Variants in LCN9 observed in about 807,000 individuals in gnomAD.
LCN9 encodes the protein lipocalin 9.
A neutral mutation model predicts 18.5 loss-of-function variants in LCN9; 22 were observed. The ratio of observed to expected loss-of-function variants is 1.19; its 90% CI spans 0.85 to 1.70. The LOEUF (loss-of-function observed/expected upper bound fraction) is 1.70, where lower values mean the gene tolerates loss of function less well. Among genes scored for constraint, LCN9 ranks in the 40% most tolerant of loss-of-function variants. The probability of loss-of-function intolerance (pLI) is 0.00; values close to 1 mark genes in which losing one functional copy is unlikely to be tolerated. For synonymous variants in LCN9, 89 were observed against 83.0 expected (o/e 1.07, Z -0.39); for missense variants, 202 against 201.3 (o/e 1.00, Z -0.02).
Position 135,664,100 on chromosome 9 carries a change from GGCGCTAA to G in LCN9, c.97-59_97-53del. On this transcript the variant is annotated intron_variant, in intron 1 of 5. Transcript: ENST00000619315. The surrounding 1 kb of genome is among the most constrained non-coding windows in gnomAD (Gnocchi z 4.5). ...CCGGGCCCTGGGAGGGAAGACTGTG[GGCGCTAA>G]GCATCCCCAGGGCTGTCCCGCGGCC... The G allele has an allele frequency of 2.5e-6, 4 of 1,583,682 alleles. No individual in the cohort carries two copies. Among genetic ancestry groups the G allele is most frequent in the Non-Finnish European group, 3.4e-6 (4 of 1,162,456 alleles).
In LCN9 at chr9:135,664,010, C is replaced by CA. The variant is rs1834171458; in HGVS notation, c.97-152_97-151insA. 7.4e-5 allele frequency among the ~76,000 whole-genome samples: 7 copies of CA among 94,558 alleles called. No individual in the cohort carries two copies. The highest frequency in any genetic ancestry group is 3.1e-4 in the African/African-American group (7 of 22,424). 62.0% of individuals were successfully genotyped at this position (94,558 alleles called of 152,430 possible). On this transcript the variant is annotated intron_variant, in intron 1 of 5. Transcript: ENST00000619315. The surrounding 1 kb of genome is among the most constrained non-coding windows in gnomAD (Gnocchi z 4.5). Reference sequence around the variant, plus strand: ...TGGGGGTAAAGGGGGGATCTGGTGACGAGGGGAGACCTGGGGGCACTGGAA... The same window carrying CA: ...TGGGGGTAAAGGGGGGATCTGGTGACAGAGGGGAGACCTGGGGGCACTGGAA...
chr9:135,664,155 T>A lies in LCN9; in HGVS notation c.97-7T>A. The A allele has an allele frequency of 6.2e-7, 1 of 1,613,156 alleles. No individual in the cohort carries two copies. The highest frequency in any genetic ancestry group is 1.1e-5 in the South Asian group (1 of 91,032). ...GCCCCCCACCCACTGGAGCTCTTTG[T>A]CTTCAGGTTTCAGGGGTCTGGTATT... On this transcript the variant is annotated splice_region_variant and splice_polypyrimidine_tract_variant and intron_variant, in intron 1 of 5. Coordinates refer to ENST00000619315, the Ensembl canonical transcript of LCN9. The surrounding 1 kb of genome is among the most constrained non-coding windows in gnomAD (Gnocchi z 4.5).
exon 6 of LCN9, among the ~76,000 whole-genome samples, chr9:135,666,946 G>A (rs888872249): frequency 1.2e-4 from 19 of 152,244 alleles, no homozygotes; most frequent in African/African-American, 4.6e-4. Context: ...GTGAATAAAA[G>A]GGAGGTACCA....
At chr9:135,666,120 G>C (rs367731895) in exon 6 of LCN9, 82 of 1,598,122 alleles carry the variant, frequency 5.1e-5, no homozygotes, top group Non-Finnish European at 6.5e-5. Flanking sequence ...AGCAGGAAGT[G>C]AGATGGGGCC....
In LCN9 at chr9:135,664,821, G is replaced by C; in HGVS notation, c.307+26G>C. On this transcript the variant is annotated intron_variant, in intron 3 of 5. Coordinates refer to ENST00000619315, the Ensembl canonical transcript of LCN9. This position sits in a 1 kb window ranked among gnomAD's most constrained non-coding sequence, Gnocchi z 4.5. ...GTAAGTGGAAGCCAGGCTCCTCCTG[G>C]TCTCACAGTCGGGGGTCTCCTTTCT... 6.4e-7 allele frequency: 1 copy of C among 1,560,048 alleles called. No individual in the cohort carries two copies. Among genetic ancestry groups the C allele is most frequent in the South Asian group, 1.2e-5 (1 of 84,496 alleles).
Position 135,665,084 on chromosome 9 carries a change from C to A in LCN9, c.308-161C>A. Reference sequence around the variant, plus strand: ...GAGGGGGCTGTGCCGCTGCTGCCCGCCCCCTGTGCAGGGGTCTCCGCTGGG... The same window carrying A: ...GAGGGGGCTGTGCCGCTGCTGCCCGACCCCTGTGCAGGGGTCTCCGCTGGG... On this transcript the variant is annotated intron_variant, in intron 3 of 5. Transcript: ENST00000619315. This position sits in a 1 kb window ranked among gnomAD's most constrained non-coding sequence, Gnocchi z 5.9. 1.5e-6 allele frequency: 1 copy of A among 646,446 alleles called. No homozygotes were observed. Among genetic ancestry groups the A allele is most frequent in the South Asian group, 1.8e-5 (1 of 56,032 alleles). The allele number at this position is 646,446 out of a possible 1,614,324, so 40.0% of individuals were successfully genotyped here. A position where few individuals can be genotyped will look rare whatever the true frequency, so the allele number is the denominator to read the frequency against.
At position 135,665,533 on chromosome 9, in the gene LCN9, C is replaced by G. The variant is rs184993904; in HGVS notation, c.419-155C>G. 7.1e-5 allele frequency: 60 copies of G among 839,624 alleles called. No individual in the cohort carries two copies. In the East Asian group the frequency reaches 1.4e-3, roughly 19 times the overall value. The allele number at this position is 839,624 out of a possible 1,614,324, so 52.0% of individuals were successfully genotyped here. On this transcript the variant is annotated intron_variant, in intron 4 of 5. Transcript: ENST00000619315. The surrounding 1 kb of genome is among the most constrained non-coding windows in gnomAD (Gnocchi z 5.9). ...GCTGGGTGCTTCAATCTGTCACCTC[C>G]CATCTCACTTGGCACAAAGCCCCTC...
rs1834172011 is a variant in LCN9, at chr9:135,664,025, G to A, written c.97-137G>A. On this transcript the variant is annotated intron_variant, in intron 1 of 5. Coordinates refer to ENST00000619315, the Ensembl canonical transcript of LCN9. This position sits in a 1 kb window ranked among gnomAD's most constrained non-coding sequence, Gnocchi z 4.5. ...GATCTGGTGACGAGGGGAGACCTGG[G>A]GGCACTGGAAGGGCGGAGGGGTTCT... 1.6e-5 allele frequency: 14 copies of A among 855,908 alleles called. No individual in the cohort carries two copies. The highest frequency in any genetic ancestry group is 5.3e-5 in the South Asian group (3 of 56,338). The allele number at this position is 855,908 out of a possible 1,614,324, so 53.0% of individuals were successfully genotyped here.
At chr9:135,663,514 TC>T in intron 1 of LCN9, 97 bp downstream of exon 1, 1 of 862,414 alleles carries the variant, frequency 1.2e-6, no homozygotes. Flanking sequence ...GGGCAACTGG[TC>T]CAAGGGGAGC....
In LCN9 at chr9:135,665,103, C is replaced by T. The variant is rs1026988475; in HGVS notation, c.308-142C>T. On this transcript the variant is annotated intron_variant, in intron 3 of 5. Transcript: ENST00000619315. This position sits in a 1 kb window ranked among gnomAD's most constrained non-coding sequence, Gnocchi z 5.9. ...TGCCCGCCCCCTGTGCAGGGGTCTC[C>T]GCTGGGTGAGCACCGTGGGCTCCTC... The T allele has an allele frequency of 2.2e-5, 15 of 678,428 alleles. No individual in the cohort carries two copies. Among genetic ancestry groups the T allele is most frequent in the South Asian group, 1.5e-4 (9 of 58,748 alleles). 42.0% of individuals were successfully genotyped at this position (678,428 alleles called of 1,614,324 possible). A position where few individuals can be genotyped will look rare whatever the true frequency, so the allele number is the denominator to read the frequency against.
At position 135,665,072 on chromosome 9, in the gene LCN9, C is replaced by A. The variant is rs140124106; in HGVS notation, c.308-173C>A. On this transcript the variant is annotated intron_variant, in intron 3 of 5. Transcript: ENST00000619315. The surrounding 1 kb of genome is among the most constrained non-coding windows in gnomAD (Gnocchi z 5.9). Reference sequence around the variant, plus strand: ...ATGACAAGGAGGGAGGGGGCTGTGCCGCTGCTGCCCGCCCCCTGTGCAGGG... The same window carrying A: ...ATGACAAGGAGGGAGGGGGCTGTGCAGCTGCTGCCCGCCCCCTGTGCAGGG... 2.8e-3 allele frequency: 1,796 copies of A among 636,660 alleles called. 6 individuals are homozygous for A. Among genetic ancestry groups the A allele is most frequent in the Middle Eastern group, 0.018 (42 of 2,374 alleles). The allele number at this position is 636,660 out of a possible 1,614,324, so 39.4% of individuals were successfully genotyped here. A position where few individuals can be genotyped will look rare whatever the true frequency, so the allele number is the denominator to read the frequency against.
Position 135,664,464 on chromosome 9 carries a change from G to A in LCN9, c.233+166G>A, listed in dbSNP as rs1834183655. ...TTGGGGGCAGGGTGAGGTGGGAGCA[G>A]GGACTTGGTCTGCCTGGCACTGTGC... On this transcript the variant is annotated intron_variant, in intron 2 of 5. Transcript: ENST00000619315. The surrounding 1 kb of genome is among the most constrained non-coding windows in gnomAD (Gnocchi z 4.5). Among the ~76,000 whole-genome samples the A allele has an allele frequency of 6.6e-6, 1 of 152,134 alleles. No homozygotes were observed.
chr9:135,663,484 G>A, intron 1 of LCN9, 67 bp downstream of exon 1: 1 of 1,464,284 alleles, frequency 6.8e-7, no homozygotes, highest in Non-Finnish European at 9.5e-7. Flanking sequence ...CCCCAGCCTG[G>A]GGTCTCTGAC....
At chr9:135,666,321 G>A (rs1158924981) in exon 6 of LCN9, 1 of 596,802 alleles carries the variant, frequency 1.7e-6, no homozygotes, top group African/African-American at 1.9e-5. Context: ...CCTGGCTTGT[G>A]GCTGTCACTC....
Position 135,666,072 on chromosome 9 carries a change from C to A in LCN9, c.*221C>A, listed in dbSNP as rs766419055. The A allele has an allele frequency of 5.6e-6, 9 of 1,599,498 alleles. No homozygotes were observed. The South Asian group carries it at 8.8e-5, about 16-fold the overall frequency. ...GATGCTGTGAAAAGCATCCTGGAGT[C>A]GGGGCAGTGATGGGGCCTTCCAGGG... On this transcript the variant is annotated 3_prime_UTR_variant, in exon 6 of 6. Transcript: ENST00000619315.
rs1834179052 is a variant in LCN9, at chr9:135,664,273, A to G, written c.208A>G (p.Ser70Gly). ...GAATATTGAACACTTGAAGAACGGC[A>G]GCCTAATATTTGATTTCGAATACAT... Residue 70 changes from serine (S) to glycine (G), a missense_variant, in exon 2 of 6, where the codon AGC (serine) becomes GGC (glycine). Coordinates refer to ENST00000619315, the Ensembl canonical transcript of LCN9. The surrounding 1 kb of genome is among the most constrained non-coding windows in gnomAD (Gnocchi z 4.5). 1 of 1,613,776 alleles carries G rather than the reference A, an allele frequency of 6.2e-7. No individual in the cohort carries two copies. The highest frequency in any genetic ancestry group is 1.1e-5 in the South Asian group (1 of 91,086).
rs749728153 is a variant in LCN9, at chr9:135,665,957, G to A, written c.*106G>A. 6.2e-7 allele frequency: 1 copy of A among 1,602,092 alleles called. No individual in the cohort carries two copies. The highest frequency in any genetic ancestry group is 8.5e-7 in the Non-Finnish European group (1 of 1,177,722). On this transcript the variant is annotated 3_prime_UTR_variant, in exon 6 of 6. Transcript: ENST00000619315. This position sits in a 1 kb window ranked among gnomAD's most constrained non-coding sequence, Gnocchi z 5.9. Reference sequence around the variant, plus strand: ...AGGGGGCTGGATGGGGAGAGCTTGGGGCCAACGTCAGAGGCTGCGGGGTCC... The same window carrying A: ...AGGGGGCTGGATGGGGAGAGCTTGGAGCCAACGTCAGAGGCTGCGGGGTCC...
In LCN9 at chr9:135,664,443, G is replaced by A. The variant is rs1834183250; in HGVS notation, c.233+145G>A. The A allele has an allele frequency of 1.8e-6, 2 of 1,121,756 alleles. No homozygotes were observed. Among genetic ancestry groups the A allele is most frequent in the Admixed American group, 1.9e-5 (1 of 52,424 alleles). The allele number at this position is 1,121,756 out of a possible 1,614,324, so 69.5% of individuals were successfully genotyped here. ...CTGAGCCTGTGCGTGTGACCCTTGG[G>A]GGCAGGGTGAGGTGGGAGCAGGGAC... On this transcript the variant is annotated intron_variant, in intron 2 of 5. Coordinates refer to ENST00000619315, the Ensembl canonical transcript of LCN9. This position sits in a 1 kb window ranked among gnomAD's most constrained non-coding sequence, Gnocchi z 4.5.
In LCN9 at chr9:135,664,128, C is replaced by T. The variant is rs373159095; in HGVS notation, c.97-34C>T. The T allele has an allele frequency of 1.1e-5, 17 of 1,608,834 alleles. No individual in the cohort carries two copies. Among genetic ancestry groups the T allele is most frequent in the Middle Eastern group, 1.8e-4 (1 of 5,674 alleles). On this transcript the variant is annotated intron_variant, in intron 1 of 5. Coordinates refer to ENST00000619315, the Ensembl canonical transcript of LCN9. The surrounding 1 kb of genome is among the most constrained non-coding windows in gnomAD (Gnocchi z 4.5). ...GCTAAGCATCCCCAGGGCTGTCCCG[C>T]GGCCCCCCACCCACTGGAGCTCTTT...
Sources: allele counts gnomAD v4.1 joint callset (sites outside exome capture counted in the v4.1 genomes callset), GRCh38; gene constraint gnomAD v4.1.1; non-coding constraint Gnocchi (gnomAD v3.1); transcripts MANE v1.5; gene names NCBI Gene and HGNC (gene_info 2026-07-23, HGNC 2026-07-21).